The following LRBA variants were observed in gnomAD, a reference collection of about 807,000 sequenced individuals.
LRBA encodes the protein LPS responsive beige-like anchor protein, also known as lipopolysaccharide-responsive and beige-like anchor protein.
In LRBA, 176 loss-of-function variants were observed where a neutral mutation model predicts 330.0. The ratio of observed to expected loss-of-function variants is 0.53; its 90% confidence interval spans 0.47 to 0.60. The LOEUF is 0.60. Ranked by LOEUF, LRBA falls within the 20% of genes least tolerant of loss-of-function variation. The pLI is 0.00. For missense variants in LRBA, 3,259 were observed against 3,444.8 expected, an observed-to-expected ratio of 0.95 and a Z score of 1.35; for synonymous variants, 1,230 against 1,193.0, an observed-to-expected ratio of 1.03 and a Z score of -0.64.
At chr4:150,786,396 A>G (rs1357209984) in intron 34 of LRBA, among the ~76,000 whole-genome samples, 2 of 151,740 alleles carry the variant, frequency 1.3e-5, no homozygotes, top group Non-Finnish European at 2.9e-5. Context: ...GGCACCCGCC[A>G]CCACGCCCAG....
At chr4:150,563,625 G>A (rs1277144232) in intron 40 of LRBA, among the ~76,000 whole-genome samples, 1 of 152,114 alleles carries the variant, frequency 6.6e-6, no homozygotes, top group Non-Finnish European at 1.5e-5. Context: ...GATTGTATAT[G>A]TAGAAAACCC....
intron 37 of LRBA, among the ~76,000 whole-genome samples, chr4:150,668,812 G>A (rs1038673439): frequency 4.6e-5 from 7 of 152,172 alleles, no homozygotes; most frequent in Admixed American, 3.9e-4. Flanking sequence ...CTAAGTTAGT[G>A]AGGGAAATAG....
intron 37 of LRBA, among the ~76,000 whole-genome samples, chr4:150,632,281 A>T (rs1777465214): frequency 6.6e-6 from 1 of 151,680 alleles, no homozygotes; most frequent in Non-Finnish European, 1.5e-5. Context: ...AGAGATTAGG[A>T]TCACAAAAGA....
At position 150,879,893 on chromosome 4, in the gene LRBA, T is replaced by C. The variant is rs192885567; in HGVS notation, c.2166-7138A>G. Among the ~76,000 whole-genome samples the C allele has an allele frequency of 3.3e-5, 5 of 152,132 alleles. No homozygotes were observed. In the East Asian group the frequency reaches 5.8e-4, roughly 18 times the overall value. On this transcript the variant is annotated intron_variant, in intron 17 of 56. Coordinates refer to ENST00000651943, the MANE Select transcript of LRBA (RefSeq NM_001364905.1). Reference sequence around the variant, plus strand: ...TTTTCACAGAACTAGAAAAAAACTATACTAAAATACATACGGAACCAAAAC... The same window carrying C: ...TTTTCACAGAACTAGAAAAAAACTACACTAAAATACATACGGAACCAAAAC...
At chr4:150,478,272 C>T (rs532507221) in intron 42 of LRBA, among the ~76,000 whole-genome samples, 1 of 152,252 alleles carries the variant, frequency 6.6e-6, no homozygotes, top group African/African-American at 2.4e-5. Context: ...ATCTGGATGT[C>T]TCTCAGGGGT....
In LRBA at chr4:150,455,041, T is replaced by C. The variant is rs1178156928; in HGVS notation, c.6780+12632A>G. Among the ~76,000 whole-genome samples, 3 of 151,792 alleles carry C rather than the reference T, an allele frequency of 2.0e-5. 1 individual carries two copies. The highest frequency in any genetic ancestry group is 4.4e-5 in the Non-Finnish European group (3 of 67,962). ...GCACATTGTGCAGGTTAGTTACATA[T>C]GTATACATGTGCCATGCTGGTGCGC... On this transcript the variant is annotated intron_variant, in intron 44 of 56. Coordinates refer to ENST00000651943, the MANE Select transcript of LRBA (RefSeq NM_001364905.1).
chr4:150,618,126 A>C (rs984848113), intron 37 of LRBA, among the ~76,000 whole-genome samples: 2 of 152,072 alleles, frequency 1.3e-5, no homozygotes, highest in African/African-American at 4.8e-5. Flanking sequence ...AAAAAAAAAG[A>C]ACTCTTAGAT....
At chr4:150,470,138 G>A (rs185537683) in intron 43 of LRBA, among the ~76,000 whole-genome samples, 20 of 152,240 alleles carry the variant, frequency 1.3e-4, no homozygotes, top group Admixed American at 3.9e-4. Flanking sequence ...AGCCGAGATC[G>A]TGCCATTGCA....
rs748668361 is a variant in LRBA, at chr4:150,850,762, T to C, written c.3966A>G (p.Leu1322=). ...GTATATCTGTTTCTATTGAAAATAA[T>C]AGATCAGTGAGCAAACGTTGATGCA... ...SQMHQRLLTD[L]LFSIETDIQM... is the part of the protein sequence containing the mutation. The change falls in exon 24 of 57, where the codon CTA becomes CTG. Residue 1322 remains leucine, a synonymous_variant. Transcript: ENST00000651943. 9.9e-6 allele frequency: 16 copies of C among 1,613,460 alleles called. No homozygotes were observed. Among genetic ancestry groups the C allele is most frequent in the South Asian group, 5.5e-5 (5 of 91,002 alleles).
intron 47 of LRBA, among the ~76,000 whole-genome samples, chr4:150,402,057 G>A (rs1001942158): frequency 1.1e-4 from 16 of 150,798 alleles, no homozygotes; most frequent in Non-Finnish European, 1.8e-4. Context: ...TTCAGAGGCC[G>A]AGACGGGCAA....
chr4:150,862,912 G>A (rs1752142363), intron 22 of LRBA, among the ~76,000 whole-genome samples: 1 of 152,044 alleles, frequency 6.6e-6, no homozygotes, highest in Non-Finnish European at 1.5e-5. Flanking sequence ...CCAGGAGGTG[G>A]AGGTTTCAGT....
At chr4:150,477,803 T>C (rs997724411) in intron 42 of LRBA, among the ~76,000 whole-genome samples, 10 of 152,032 alleles carry the variant, frequency 6.6e-5, no homozygotes, top group African/African-American at 9.7e-5. Flanking sequence ...ATAAGATATG[T>C]CTGCTTCCCC....
chr4:150,571,448 T>C (rs562240122), intron 40 of LRBA, among the ~76,000 whole-genome samples: 2 of 151,946 alleles, frequency 1.3e-5, no homozygotes, highest in Non-Finnish European at 2.9e-5. Flanking sequence ...AAATAAAACT[T>C]CCCTAAATAT....
At chr4:150,848,710 A>C in intron 26 of LRBA, 108 bp downstream of exon 26, 1 of 845,106 alleles carries the variant, frequency 1.2e-6, no homozygotes, top group Non-Finnish European at 1.9e-6. Flanking sequence ...ATGACAAATT[A>C]GCTAACATAT....
intron 44 of LRBA, among the ~76,000 whole-genome samples, chr4:150,448,564 G>A (rs1752903513): frequency 6.6e-6 from 1 of 152,134 alleles, no homozygotes; most frequent in Non-Finnish European, 1.5e-5. Context: ...CACTTCGGGA[G>A]GCCGAGGCAG....
rs757049939 is a variant in LRBA, at chr4:150,683,534, T to C, written c.5921+17A>G. The C allele has an allele frequency of 8.1e-5, 130 of 1,609,324 alleles. 1 individual carries two copies. The highest frequency in any genetic ancestry group is 8.0e-4 in the East Asian group (36 of 44,826). On this transcript the variant is annotated intron_variant, in intron 37 of 56. Transcript: ENST00000651943. ...CTACAGAAAATCAGTGGCCAAATCC[T>C]AAAGGTATCCCTTTACCTCACTGCA...
In LRBA at chr4:150,277,939, G is replaced by A; in HGVS notation, c.8382C>T (p.Val2794=). The stretch of plus-strand genomic sequence containing the variant: ...GCTGCTTGAGGTCCGACACCTGCCG[G>A]ACCACGACCACTCCTCTGTCTCCTC... ...LTGGDRGVVV[V]RQVSDLKQLF... The change falls in exon 56 of 57, where the codon GTC becomes GTT. Residue 2794 remains valine, a synonymous_variant. Coordinates refer to ENST00000651943, the MANE Select transcript of LRBA (RefSeq NM_001364905.1). 1 of 1,614,102 alleles carries A rather than the reference G, an allele frequency of 6.2e-7. No homozygotes were observed. The highest frequency in any genetic ancestry group is 8.5e-7 in the Non-Finnish European group (1 of 1,180,010).
intron 40 of LRBA, among the ~76,000 whole-genome samples, chr4:150,492,706 C>G (rs1759114907): frequency 6.6e-6 from 1 of 152,108 alleles, no homozygotes; most frequent in Non-Finnish European, 1.5e-5. Context: ...AACTCTTAAG[C>G]TCTTTATGAC....
At chr4:150,748,719 A>G (rs1334508289) in intron 35 of LRBA, among the ~76,000 whole-genome samples, 3 of 152,102 alleles carry the variant, frequency 2.0e-5, no homozygotes, top group Non-Finnish European at 2.9e-5. Context: ...TATGGTTTGA[A>G]TATCTGTATC....
Sources: gnomAD v4.1 joint callset for allele counts (sites outside exome capture counted in the v4.1 genomes callset) on GRCh38, gnomAD v4.1.1 for gene constraint, MANE v1.5 for transcripts, NCBI Gene and HGNC (gene_info 2026-07-23, HGNC 2026-07-21) for gene names.